The following B4GALT5 variants were observed in gnomAD, a reference collection of about 807,000 sequenced individuals.
The protein encoded by B4GALT5 is UDP-Gal:beta-GlcNAc beta-1,4-galactosyltransferase 5.
B4GALT5 carries 11 observed loss-of-function variants against 45.0 expected under a neutral mutation model. The ratio of observed to expected loss-of-function variants is 0.24; its 90% CI spans 0.15 to 0.40. The LOEUF (loss-of-function observed/expected upper bound fraction) is 0.40, where lower values mean the gene tolerates loss of function less well. Ranked by LOEUF, B4GALT5 falls within the 10% of genes least tolerant of loss-of-function variation. B4GALT5 has a pLI of 1.00. For missense variants in B4GALT5, 337 were observed against 500.2 expected (o/e 0.67, Z 3.11); for synonymous variants, 185 against 182.9 (o/e 1.01, Z -0.09).
chr20:49,678,749 C>G (rs1359547177), intron 1 of B4GALT5, among the ~76,000 whole-genome samples: 2 of 151,994 alleles, frequency 1.3e-5, no homozygotes, highest in African/African-American at 4.8e-5. Flanking sequence ...GGTATTAGTA[C>G]TCTCATAGAA....
At chr20:49,673,132 A>T (rs2085722862) in intron 1 of B4GALT5, among the ~76,000 whole-genome samples, 1 of 152,222 alleles carries the variant, frequency 6.6e-6, no homozygotes, top group Non-Finnish European at 1.5e-5. Flanking sequence ...CTGTAATCCC[A>T]GCACTTTGGG....
chr20:49,688,955 A>C (rs947707545), intron 1 of B4GALT5, among the ~76,000 whole-genome samples: 1 of 151,056 alleles, frequency 6.6e-6, no homozygotes. Flanking sequence ...AAAAAAAAAA[A>C]CAGGGTGTAA....
intron 1 of B4GALT5, among the ~76,000 whole-genome samples, chr20:49,698,976 T>A (rs942584019): frequency 5.9e-5 from 9 of 152,084 alleles, no homozygotes; most frequent in African/African-American, 2.2e-4. Flanking sequence ...CAATTTATCG[T>A]AGCCTAAGCA....
chr20:49,704,341 G>A (rs183480522), intron 1 of B4GALT5, among the ~76,000 whole-genome samples: 2 of 152,270 alleles, frequency 1.3e-5, no homozygotes, highest in African/African-American at 4.8e-5. Context: ...CCTCTTTACT[G>A]ATATTTAAAT....
chr20:49,638,723 A>T (rs1040500794), intron 7 of B4GALT5, among the ~76,000 whole-genome samples: 3 of 146,010 alleles, frequency 2.1e-5, no homozygotes, highest in African/African-American at 7.6e-5. Flanking sequence ...GACAGAGCTT[A>T]AAAAAAAAAA....
At chr20:49,708,531 C>T (rs2085894443) in intron 1 of B4GALT5, among the ~76,000 whole-genome samples, 1 of 152,180 alleles carries the variant, frequency 6.6e-6, no homozygotes, top group African/African-American at 2.4e-5. Flanking sequence ...AAAAGCCAGC[C>T]ATAAATCAAA....
chr20:49,712,698 C>T (rs557891043), intron 1 of B4GALT5, among the ~76,000 whole-genome samples: 22 of 152,116 alleles, frequency 1.4e-4, no homozygotes, highest in Admixed American at 1.3e-3. Flanking sequence ...ACCCTCAAGG[C>T]TAGGAGAGGG....
intron 2 of B4GALT5, among the ~76,000 whole-genome samples, 175 bp downstream of exon 2, chr20:49,656,393 T>G (rs867322728): frequency 6.6e-6 from 1 of 152,218 alleles, no homozygotes; most frequent in African/African-American, 2.4e-5. Flanking sequence ...AGTCATATTG[T>G]TAACAAAAAT....
At chr20:49,640,326 C>T in intron 6 of B4GALT5, 152 bp downstream of exon 6, 3 of 650,458 alleles carry the variant, frequency 4.6e-6, no homozygotes, top group Non-Finnish European at 7.3e-6. Flanking sequence ...TTTCTCCTGC[C>T]AAACAGTGCT....
chr20:49,672,713 A>G (rs79726854), intron 1 of B4GALT5, among the ~76,000 whole-genome samples: 1,843 of 152,306 alleles, frequency 0.012, 31 homozygotes, highest in African/African-American at 0.042. Context: ...GAAACTTGTA[A>G]GGAGTCAGGC....
intron 1 of B4GALT5, among the ~76,000 whole-genome samples, chr20:49,669,429 G>A (rs1379417906): frequency 5.9e-5 from 9 of 152,194 alleles, no homozygotes; most frequent in Non-Finnish European, 8.8e-5. Context: ...GGGCGTGGTT[G>A]CTCACACCTG....
chr20:49,663,675 G>GAAAAAAAAAAGAA lies in B4GALT5; in HGVS notation c.116-6974_116-6973insTTCTTTTTTTTTT, dbSNP rs1555812110. ...GCAACATAGTGAGAATTCATCTCAA[G>GAAAAAAAAAAGAA]AAAAAAAAAAAAAAAATATATACAT... On this transcript the variant is annotated intron_variant, in intron 1 of 8. Coordinates refer to ENST00000371711, the MANE Select transcript of B4GALT5 (RefSeq NM_004776.4). 3.3e-3 allele frequency among the ~76,000 whole-genome samples: 10 copies of GAAAAAAAAAAGAA among 3,002 alleles called. 1 individual carries two copies. The highest frequency in any genetic ancestry group is 5.1e-3 in the Admixed American group (1 of 198). The allele number at this position is 3,002 out of a possible 152,430, so 2.0% of individuals were successfully genotyped here.
intron 1 of B4GALT5, among the ~76,000 whole-genome samples, chr20:49,709,134 A>G (rs1292474415): frequency 6.6e-6 from 1 of 152,150 alleles, no homozygotes; most frequent in Non-Finnish European, 1.5e-5. Flanking sequence ...CGCTTCTGTT[A>G]TCTTTTAAAA....
At chr20:49,697,650 C>T (rs2085844987) in intron 1 of B4GALT5, among the ~76,000 whole-genome samples, 1 of 151,790 alleles carries the variant, frequency 6.6e-6, no homozygotes, top group Non-Finnish European at 1.5e-5. Context: ...AACATGAAAC[C>T]CAACTATGTA....
intron 1 of B4GALT5, among the ~76,000 whole-genome samples, chr20:49,680,595 G>C (rs927302622): frequency 6.6e-6 from 1 of 152,150 alleles, no homozygotes; most frequent in Non-Finnish European, 1.5e-5. Context: ...ATTATTAGAA[G>C]TTGCGGAGAA....
intron 1 of B4GALT5, among the ~76,000 whole-genome samples, chr20:49,682,712 A>G (rs79989765): frequency 0.013 from 1,965 of 152,304 alleles, 37 homozygotes; most frequent in African/African-American, 0.045. Context: ...AGGACACACA[A>G]GTTTGCCTAC....
At chr20:49,650,408 C>G (rs940954934) in intron 2 of B4GALT5, among the ~76,000 whole-genome samples, 1 of 145,886 alleles carries the variant, frequency 6.9e-6, no homozygotes, top group African/African-American at 2.6e-5. Flanking sequence ...CACTTGAGGT[C>G]AGGAGTTCGA....
At chr20:49,640,367 T>A in intron 6 of B4GALT5, 111 bp downstream of exon 6, 1 of 930,658 alleles carries the variant, frequency 1.1e-6, no homozygotes, top group South Asian at 2.0e-5. Flanking sequence ...ATTTTGTTTA[T>A]CCATCCATCA....
chr20:49,708,889 G>A (rs1056304899), intron 1 of B4GALT5, among the ~76,000 whole-genome samples: 2 of 148,554 alleles, frequency 1.3e-5, no homozygotes, highest in Non-Finnish European at 3.0e-5. Context: ...CTGAGATTGC[G>A]CCACTGCACT....
Sources: allele counts gnomAD v4.1 joint callset (sites outside exome capture counted in the v4.1 genomes callset), GRCh38; gene constraint gnomAD v4.1.1; transcripts MANE v1.5; gene names NCBI Gene and HGNC (gene_info 2026-07-23, HGNC 2026-07-21).